The following UCMA variants were observed in gnomAD, a reference collection of about 807,000 sequenced individuals.
The protein encoded by UCMA is upper zone of growth plate and cartilage matrix-associated protein.
UCMA carries 21 observed loss-of-function variants against 21.8 expected under a neutral mutation model. The observed-to-expected ratio is 0.97, with a 90% confidence interval of 0.68 to 1.39. The LOEUF is 1.39. Among genes scored for constraint, UCMA ranks in the 40% most tolerant of loss-of-function variants. The probability of loss-of-function intolerance (pLI) is 0.00; values close to 1 mark genes in which losing one functional copy is unlikely to be tolerated. For missense variants in UCMA, 193 were observed against 178.9 expected (o/e 1.08, Z -0.45); for synonymous variants, 76 against 67.9 (o/e 1.12, Z -0.58).
At position 13,233,632 on chromosome 10, in the gene UCMA, A is replaced by T; in HGVS notation, c.126T>A (p.Asp42Glu). ...MQMAGEEASE[D>E]AKQKIFMQES... ...CCTGCATGAAAATCTTCTGTTTTGC[A>T]TCTGAAACCCGGGAGAGGCCTGTCA... Residue 42 changes from aspartate to glutamate, a missense_variant and splice_region_variant, in exon 3 of 5, where the codon GAT becomes GAA. Coordinates refer to ENST00000378681, the MANE Select transcript of UCMA (RefSeq NM_145314.3). The T allele has an allele frequency of 6.2e-7, 1 of 1,614,112 alleles. No homozygotes were observed. Among genetic ancestry groups the T allele is most frequent in the Non-Finnish European group, 8.5e-7 (1 of 1,180,018 alleles).
At chr10:13,228,653 C>G (rs1040012705) in intron 4 of UCMA, among the ~76,000 whole-genome samples, 1 of 152,126 alleles carries the variant, frequency 6.6e-6, no homozygotes, top group African/African-American at 2.4e-5. Context: ...GACCTGGAGC[C>G]AGGACATTGA....
At chr10:13,231,998 G>A (rs948041785) in intron 3 of UCMA, among the ~76,000 whole-genome samples, 3 of 152,128 alleles carry the variant, frequency 2.0e-5, no homozygotes, top group African/African-American at 7.2e-5. Context: ...CACCTCCCAT[G>A]ACTAATTGAC....
In UCMA at chr10:13,233,526, C is replaced by T. The variant is rs373881936; in HGVS notation, c.220+12G>A. The T allele has an allele frequency of 2.1e-4, 336 of 1,612,060 alleles. 2 individuals are homozygous for T. The African/African-American group carries it at 2.7e-3, about 13-fold the overall frequency. ...TGATGGACGCGGGATGGGGTCCCTC[C>T]AGCATCCTTACCATTGACCTCATCT... is the stretch of plus-strand genomic sequence containing the variant. On this transcript the variant is annotated intron_variant, in intron 3 of 4. Transcript: ENST00000378681.
At chr10:13,233,041 C>T (rs536888522) in intron 3 of UCMA, among the ~76,000 whole-genome samples, 1 of 152,296 alleles carries the variant, frequency 6.6e-6, no homozygotes, top group South Asian at 2.1e-4. Context: ...GGCCACTTAG[C>T]AGCACAGCTG....
At chr10:13,227,242 C>T (rs112117715) in intron 4 of UCMA, among the ~76,000 whole-genome samples, 1 of 152,136 alleles carries the variant, frequency 6.6e-6, no homozygotes, top group Non-Finnish European at 1.5e-5. Context: ...CTAGGAGATG[C>T]CTTCCGAGGG....
intron 2 of UCMA, 45 bp downstream of exon 2, chr10:13,233,690 C>T (rs3829927): frequency 0.021 from 33,264 of 1,613,922 alleles, 1,413 homozygotes; most frequent in East Asian, 0.17. Context: ...GCTGCTGCTT[C>T]GCTGGCTGCA....
chr10:13,222,076 GTCT>G lies in UCMA; in HGVS notation c.*24_*26del. On this transcript the variant is annotated 3_prime_UTR_variant, in exon 5 of 5. Transcript: ENST00000378681. ...GGATGCCAATGGTGCTACAAGCTTT[GTCT>G]TCTTGGCCGGCTTCAGGATGGGATC... 2 of 1,612,560 alleles carry G rather than the reference GTCT, an allele frequency of 1.2e-6. No homozygotes were observed. Among genetic ancestry groups the G allele is most frequent in the Non-Finnish European group, 1.7e-6 (2 of 1,178,636 alleles).
At chr10:13,226,448 C>G (rs1834824702) in intron 4 of UCMA, among the ~76,000 whole-genome samples, 1 of 152,214 alleles carries the variant, frequency 6.6e-6, no homozygotes, top group Non-Finnish European at 1.5e-5. Flanking sequence ...GCTGGGACTA[C>G]AGGCACATGC....
At chr10:13,231,625 G>T (rs1053889878) in intron 3 of UCMA, among the ~76,000 whole-genome samples, 3 of 152,158 alleles carry the variant, frequency 2.0e-5, no homozygotes, top group Non-Finnish European at 4.4e-5. Context: ...TTCCCAAGTG[G>T]TCTTTTCAGA....
At chr10:13,224,825 A>G (rs906385628) in intron 4 of UCMA, among the ~76,000 whole-genome samples, 2 of 152,198 alleles carry the variant, frequency 1.3e-5, no homozygotes, top group Non-Finnish European at 2.9e-5. Context: ...CGCAGCTGCC[A>G]GAAGTGTTTC....
At chr10:13,224,918 G>A (rs1834804932) in intron 4 of UCMA, among the ~76,000 whole-genome samples, 1 of 152,182 alleles carries the variant, frequency 6.6e-6, no homozygotes, top group Admixed American at 6.5e-5. Context: ...GCAGCCTGGA[G>A]CTCACAGAGC....
chr10:13,234,113 C>G, intron 1 of UCMA, 88 bp downstream of exon 1: 2 of 1,302,240 alleles, frequency 1.5e-6, no homozygotes, highest in South Asian at 1.5e-5. Context: ...TCCTTTCTAC[C>G]TGCATCACCT....
chr10:13,221,912 G>A lies in UCMA; in HGVS notation c.*191C>T. On this transcript the variant is annotated 3_prime_UTR_variant, in exon 5 of 5. Transcript: ENST00000378681. ...AGTTGCTCACCTCAGAAGATGGTCT[G>A]CAAAGAGGTGAAAGTCAGGACACTT... is the stretch of plus-strand genomic sequence containing the variant. The A allele has an allele frequency of 1.6e-6, 1 of 612,058 alleles. No individual in the cohort carries two copies. Among genetic ancestry groups the A allele is most frequent in the Non-Finnish European group, 2.9e-6 (1 of 346,442 alleles). 37.9% of individuals were successfully genotyped at this position (612,058 alleles called of 1,614,324 possible). A position where few individuals can be genotyped will look rare whatever the true frequency, so the allele number is the denominator to read the frequency against.
In UCMA at chr10:13,230,657, T is replaced by A. The variant is rs75170371; in HGVS notation, c.221-948A>T. On this transcript the variant is annotated intron_variant, in intron 3 of 4. Coordinates refer to ENST00000378681, the MANE Select transcript of UCMA (RefSeq NM_145314.3). ...TGTGCAAGAGGAGGCTGGGGGGTGC[T>A]GAAGGAAGCAGAGAAGCTGGGGAAA... Among the ~76,000 whole-genome samples, 213 of 152,228 alleles carry A rather than the reference T, an allele frequency of 1.4e-3. 3 individuals carry two copies. The highest frequency in any genetic ancestry group is 4.6e-3 in the African/African-American group (191 of 41,540).
chr10:13,229,508 AAAAAG>A, intron 4 of UCMA, 98 bp downstream of exon 4: 4 of 1,112,100 alleles, frequency 3.6e-6, no homozygotes, highest in Non-Finnish European at 5.2e-6. Flanking sequence ...TTCGTCTCAA[AAAAAG>A]AAAAAAAAAA....
intron 4 of UCMA, among the ~76,000 whole-genome samples, chr10:13,225,886 C>T (rs1415895618): frequency 1.3e-5 from 2 of 152,020 alleles, no homozygotes; most frequent in Non-Finnish European, 2.9e-5. Flanking sequence ...AAATGATTTC[C>T]ACCTTTTCCA....
chr10:13,224,871 G>A (rs78030696), intron 4 of UCMA, among the ~76,000 whole-genome samples: 14,542 of 152,194 alleles, frequency 0.096, 876 homozygotes, highest in Middle Eastern at 0.17. Context: ...CCTCCCCTTG[G>A]TGCTGAAAAT....
At chr10:13,227,987 C>G (rs1834846266) in intron 4 of UCMA, among the ~76,000 whole-genome samples, 1 of 149,484 alleles carries the variant, frequency 6.7e-6, no homozygotes, top group African/African-American at 2.6e-5. Flanking sequence ...CAGACAGGAA[C>G]CCTGTCTGCC....
chr10:13,228,342 G>A (rs544083759), intron 4 of UCMA, among the ~76,000 whole-genome samples: 10 of 152,094 alleles, frequency 6.6e-5, no homozygotes, highest in Admixed American at 3.9e-4. Flanking sequence ...GCCTCCCTGG[G>A]CCTTTCCTAC....
Sources: gnomAD v4.1 joint callset for allele counts (sites outside exome capture counted in the v4.1 genomes callset) on GRCh38, gnomAD v4.1.1 for gene constraint, MANE v1.5 for transcripts, NCBI Gene and HGNC (gene_info 2026-07-23, HGNC 2026-07-21) for gene names.